DENND1A: variants seen among roughly 807,000 people sequenced by gnomAD.
The protein encoded by DENND1A is DENN domain containing 1A.
A neutral mutation model predicts 113.7 loss-of-function variants in DENND1A; 51 were observed. That is an observed-to-expected ratio of 0.45 (90% CI 0.36 to 0.57). The LOEUF (loss-of-function observed/expected upper bound fraction) is 0.57. Ranked by LOEUF, DENND1A falls within the 20% of genes least tolerant of loss-of-function variation. The probability of loss-of-function intolerance (pLI) is 0.00; values close to 1 mark genes in which losing one functional copy is unlikely to be tolerated. For synonymous variants in DENND1A, 565 were observed against 570.8 expected, an observed-to-expected ratio of 0.99 and a Z score of 0.14; for missense variants, 1,258 against 1,395.9, an observed-to-expected ratio of 0.90 and a Z score of 1.57.
intron 8 of DENND1A, among the ~76,000 whole-genome samples, chr9:123,665,503 T>C (rs2063451473): frequency 6.6e-6 from 1 of 152,326 alleles, no homozygotes; most frequent in Non-Finnish European, 1.5e-5. Context: ...ATATGCTTGA[T>C]AATCCCAACT....
intron 19 of DENND1A, among the ~76,000 whole-genome samples, chr9:123,426,170 C>T (rs552294501): frequency 2.0e-5 from 3 of 152,234 alleles, no homozygotes; most frequent in East Asian, 3.9e-4. Flanking sequence ...AGGCTGGGTA[C>T]GTCCTCTTGA....
intron 13 of DENND1A, among the ~76,000 whole-genome samples, chr9:123,475,504 T>C (rs1233019479): frequency 6.6e-6 from 1 of 152,228 alleles, no homozygotes; most frequent in Non-Finnish European, 1.5e-5. Context: ...GTTGCATTTT[T>C]AGTGTTTGGA....
rs762737817 is a variant in DENND1A at position 123,383,886 on chromosome 9, C to T, written c.1788G>A (p.Glu596=). 1.9e-6 allele frequency: 3 copies of T among 1,612,216 alleles called. No homozygotes were observed. Among genetic ancestry groups the T allele is most frequent in the East Asian group, 4.5e-5 (2 of 44,878 alleles). ...EWPQPYRTLR[E]SDSAEGDEAE... ...CCTCGTCGCCTTCCGCGCTGTCTGA[C>T]TCCCTGAGTGTCCGATACGGCTGCG... Residue 596 remains glutamate, a synonymous_variant, in exon 23 of 24, where the codon GAG becomes GAA. Transcript: ENST00000394215.
intron 1 of DENND1A, among the ~76,000 whole-genome samples, chr9:123,888,929 T>C (rs1220686578): frequency 1.3e-5 from 2 of 150,802 alleles, no homozygotes; most frequent in Non-Finnish European, 2.9e-5. Flanking sequence ...AGGGTGATGA[T>C]GCATCAGGTC....
At chr9:123,619,387 C>G (rs923213018) in intron 10 of DENND1A, among the ~76,000 whole-genome samples, 5 of 151,994 alleles carry the variant, frequency 3.3e-5, no homozygotes, top group Admixed American at 2.0e-4. Context: ...GACTACAAAC[C>G]ACTGATCTGT....
At chr9:123,706,480 G>C (rs1455768149) in intron 5 of DENND1A, among the ~76,000 whole-genome samples, 1 of 151,944 alleles carries the variant, frequency 6.6e-6, no homozygotes, top group African/African-American at 2.4e-5. Context: ...GGACAAAAAA[G>C]AGAAGGGTCG....
intron 11 of DENND1A, among the ~76,000 whole-genome samples, chr9:123,587,439 G>T (rs894022530): frequency 1.3e-5 from 2 of 152,188 alleles, no homozygotes; most frequent in African/African-American, 4.8e-5. Context: ...GAAACAGGAC[G>T]TGAAGCTAGA....
At chr9:123,525,182 T>G (rs2054719866) in intron 13 of DENND1A, among the ~76,000 whole-genome samples, 1 of 152,180 alleles carries the variant, frequency 6.6e-6, no homozygotes, top group Non-Finnish European at 1.5e-5. Flanking sequence ...AGGCAAGCTG[T>G]CCTTCTAAGC....
At chr9:123,435,093 G>C (rs980355044) in intron 19 of DENND1A, among the ~76,000 whole-genome samples, 1 of 152,096 alleles carries the variant, frequency 6.6e-6, no homozygotes, top group African/African-American at 2.4e-5. Flanking sequence ...GAGTTTGGTG[G>C]GGAGTGTATG....
At chr9:123,730,907 C>T (rs547931057) in intron 5 of DENND1A, among the ~76,000 whole-genome samples, 48 of 152,248 alleles carry the variant, frequency 3.2e-4, no homozygotes, top group African/African-American at 9.4e-4. Flanking sequence ...ACATAAACAC[C>T]ATGGAATACT....
intron 5 of DENND1A, among the ~76,000 whole-genome samples, chr9:123,706,008 G>A (rs1343960887): frequency 6.6e-6 from 1 of 152,188 alleles, no homozygotes; most frequent in African/African-American, 2.4e-5. Flanking sequence ...AATGCAGTAT[G>A]AGAAAAGCTG....
intron 19 of DENND1A, 43 bp downstream of exon 19, chr9:123,440,315 TAA>T: frequency 2.2e-6 from 3 of 1,370,792 alleles, no homozygotes; most frequent in Admixed American, 4.5e-5. Context: ...AAAACAAAAA[TAA>T]AAAAAAAACA....
rs1485877878 is a variant in DENND1A at position 123,565,303 on chromosome 9, T to G, written c.868-7608A>C. ...CACCGCACCCGGCCTAATGTCTGTC[T>G]CTTCTATTAGACTGACCAGTCTAGG... is the stretch of plus-strand genomic sequence containing the variant. On this transcript the variant is annotated intron_variant, in intron 12 of 23. Transcript: ENST00000394215. Among the ~76,000 whole-genome samples the G allele has an allele frequency of 3.3e-5, 5 of 152,280 alleles. No homozygotes were observed. The East Asian group carries it at 9.7e-4, about 29-fold the overall frequency.
chr9:123,667,268 T>G (rs2063535867), intron 7 of DENND1A, among the ~76,000 whole-genome samples, 189 bp from the exon 8 acceptor site: 7 of 152,174 alleles, frequency 4.6e-5, no homozygotes, highest in Admixed American at 3.9e-4. Flanking sequence ...AAATCATCAC[T>G]TTGGTAGATG....
chr9:123,395,243 G>C (rs897876267), intron 21 of DENND1A, among the ~76,000 whole-genome samples: 7 of 152,130 alleles, frequency 4.6e-5, no homozygotes, highest in Admixed American at 1.3e-4. Flanking sequence ...ACTCCCTGTG[G>C]TGACAGCTCC....
At chr9:123,878,918 A>T (rs1392229019) in intron 2 of DENND1A, 33 bp downstream of exon 2, 1 of 1,608,308 alleles carries the variant, frequency 6.2e-7, no homozygotes, top group East Asian at 2.2e-5. Context: ...ACAATAAGTA[A>T]CACACCATAT....
At chr9:123,590,043 A>C (rs1054207169) in intron 11 of DENND1A, among the ~76,000 whole-genome samples, 2 of 152,340 alleles carry the variant, frequency 1.3e-5, no homozygotes, top group Admixed American at 6.5e-5. Context: ...TGTATGTAAA[A>C]GATTCAGCAT....
At chr9:123,500,570 A>C (rs539301590) in intron 13 of DENND1A, among the ~76,000 whole-genome samples, 1 of 152,130 alleles carries the variant, frequency 6.6e-6, no homozygotes, top group South Asian at 2.1e-4. Context: ...TGCTCTCTCA[A>C]ATGGAGTTAA....
intron 2 of DENND1A, among the ~76,000 whole-genome samples, chr9:123,858,238 T>C (rs1281101325): frequency 6.6e-6 from 1 of 152,228 alleles, no homozygotes; most frequent in Non-Finnish European, 1.5e-5. Context: ...ACATTGTGGT[T>C]GTGCAGGAGA....
Sources: allele counts gnomAD v4.1 joint callset (sites outside exome capture counted in the v4.1 genomes callset), GRCh38; gene constraint gnomAD v4.1.1; transcripts MANE v1.5; gene names NCBI Gene and HGNC (gene_info 2026-07-23, HGNC 2026-07-21).